The following HCRTR2 variants were observed in gnomAD, a reference collection of about 807,000 sequenced individuals.
HCRTR2 encodes the protein hypocretin receptor 2.
A neutral mutation model predicts 49.0 loss-of-function variants in HCRTR2; 22 were observed. The observed-to-expected ratio is 0.45, with a 90% CI of 0.32 to 0.64. The LOEUF is 0.64. Ranked by LOEUF, HCRTR2 falls within the 30% of genes least tolerant of loss-of-function variation. The pLI, the probability that HCRTR2 is intolerant of heterozygous loss-of-function variation, is 0.04. For synonymous variants in HCRTR2, 236 were observed against 205.3 expected (o/e 1.15, Z -1.28); for missense variants, 491 against 559.4 (o/e 0.88, Z 1.23).
At chr6:55,123,663 TG>T (rs1474269723) in intron 1 of HCRTR2, among the ~76,000 whole-genome samples, 3 of 152,088 alleles carry the variant, frequency 2.0e-5, no homozygotes, top group African/African-American at 4.8e-5. Flanking sequence ...GGAGGATTCC[TG>T]CTTTTTCTAT....
At chr6:55,141,205 C>T (rs889753728) in intron 1 of HCRTR2, among the ~76,000 whole-genome samples, 14 of 150,148 alleles carry the variant, frequency 9.3e-5, no homozygotes, top group African/African-American at 2.2e-4. Context: ...ATTAACCGGG[C>T]GTGGTGGCAG....
At chr6:55,174,092 A>C, upstream of HCRTR2, 1 of 210,036 alleles carries the variant, frequency 4.8e-6, no homozygotes, top group Admixed American at 5.4e-5. Flanking sequence ...CATGGTTTAT[A>C]ATAAGTGCAC....
At chr6:55,166,738 A>G (rs1283844641) in intron 1 of HCRTR2, among the ~76,000 whole-genome samples, 1 of 152,162 alleles carries the variant, frequency 6.6e-6, no homozygotes, top group African/African-American at 2.4e-5. Flanking sequence ...AGTACACACA[A>G]AAACTTGTAC....
At chr6:55,154,509 G>A (rs989051934) in intron 1 of HCRTR2, among the ~76,000 whole-genome samples, 5 of 151,464 alleles carry the variant, frequency 3.3e-5, no homozygotes, top group African/African-American at 1.2e-4. Context: ...ACAAAATGAA[G>A]GATAAAAATC....
intron 1 of HCRTR2, among the ~76,000 whole-genome samples, chr6:55,200,431 AT>A (rs1385832011): frequency 1.6e-4 from 24 of 151,900 alleles, no homozygotes; most frequent in Non-Finnish European, 2.6e-4. Flanking sequence ...CACCCAGCTA[AT>A]TTTTTGTATT....
At chr6:55,148,457 A>G (rs778941165) in intron 1 of HCRTR2, among the ~76,000 whole-genome samples, 33 of 152,126 alleles carry the variant, frequency 2.2e-4, no homozygotes, top group Admixed American at 8.5e-4. Context: ...CCTTGCTCTT[A>G]TATCAGATGG....
At chr6:55,215,012 A>G (rs185406694) in intron 1 of HCRTR2, among the ~76,000 whole-genome samples, 1 of 152,276 alleles carries the variant, frequency 6.6e-6, no homozygotes, top group East Asian at 1.9e-4. Context: ...GGCATAAAGC[A>G]TCATTGACAA....
intron 1 of HCRTR2, among the ~76,000 whole-genome samples, chr6:55,214,511 T>A (rs556305807): frequency 5.7e-4 from 87 of 152,128 alleles, no homozygotes; most frequent in African/African-American, 2.0e-3. Context: ...TTTATTTTTT[T>A]ATTTTTTTTC....
chr6:55,149,837 C>T (rs1764640346), intron 1 of HCRTR2, among the ~76,000 whole-genome samples: 1 of 151,998 alleles, frequency 6.6e-6, no homozygotes, highest in Non-Finnish European at 1.5e-5. Context: ...GACAAATGTA[C>T]TTGGCTTTCA....
At chr6:55,125,669 G>A (rs933120599) in intron 1 of HCRTR2, among the ~76,000 whole-genome samples, 5 of 152,124 alleles carry the variant, frequency 3.3e-5, no homozygotes, top group Non-Finnish European at 5.9e-5. Flanking sequence ...TGTCTTGCTA[G>A]GTTGGGGACG....
intron 4 of HCRTR2, among the ~76,000 whole-genome samples, chr6:55,273,124 C>G (rs1767005884): frequency 6.6e-6 from 1 of 151,868 alleles, no homozygotes; most frequent in Admixed American, 6.6e-5. Context: ...CAAAAAGTGT[C>G]AAGAAATCAT....
At chr6:55,129,419 T>C (rs775821991) in intron 1 of HCRTR2, among the ~76,000 whole-genome samples, 1 of 152,046 alleles carries the variant, frequency 6.6e-6, no homozygotes, top group Non-Finnish European at 1.5e-5. Context: ...GAAATGTAAG[T>C]AAGAGTTAAT....
intron 1 of HCRTR2, among the ~76,000 whole-genome samples, chr6:55,123,576 C>T (rs931137074): frequency 3.3e-5 from 5 of 151,876 alleles, no homozygotes; most frequent in Non-Finnish European, 5.9e-5. Flanking sequence ...GGGATATTGG[C>T]CTGAAATTTT....
At chr6:55,248,018 G>A (rs1766478868) in intron 1 of HCRTR2, among the ~76,000 whole-genome samples, 1 of 152,064 alleles carries the variant, frequency 6.6e-6, no homozygotes, top group African/African-American at 2.4e-5. Context: ...GACAAGTTTT[G>A]TGAGTTAATT....
chr6:55,250,353 T>C (rs1286486529), intron 2 of HCRTR2, among the ~76,000 whole-genome samples: 1 of 152,120 alleles, frequency 6.6e-6, no homozygotes, highest in Non-Finnish European at 1.5e-5. Flanking sequence ...ACTAGGAAAG[T>C]AATACATTTC....
intron 1 of HCRTR2, among the ~76,000 whole-genome samples, chr6:55,184,623 C>T (rs188214463): frequency 5.5e-4 from 83 of 152,238 alleles, no homozygotes; most frequent in African/African-American, 1.9e-3. Context: ...CAAGTGAGCC[C>T]TTAGGGAATT....
intron 1 of HCRTR2, among the ~76,000 whole-genome samples, chr6:55,141,540 T>C (rs1231669838): frequency 2.0e-5 from 3 of 152,230 alleles, no homozygotes; most frequent in East Asian, 1.9e-4. Flanking sequence ...ATAAGTATAC[T>C]AATTTTATTT....
intron 1 of HCRTR2, among the ~76,000 whole-genome samples, chr6:55,141,404 T>A (rs1416888991): frequency 6.6e-6 from 1 of 152,028 alleles, no homozygotes. Flanking sequence ...TTTTTCATGG[T>A]CTGGATGAGA....
At chr6:55,107,828 T>A (rs1159877066) in intron 1 of HCRTR2, among the ~76,000 whole-genome samples, 2 of 152,138 alleles carry the variant, frequency 1.3e-5, no homozygotes, top group Non-Finnish European at 2.9e-5. Context: ...CTTATATCAT[T>A]TTCTGTTTTA....
Sources: gnomAD v4.1 joint callset for allele counts (sites outside exome capture counted in the v4.1 genomes callset) on GRCh38, gnomAD v4.1.1 for gene constraint, MANE v1.5 for transcripts, NCBI Gene and HGNC (gene_info 2026-07-23, HGNC 2026-07-21) for gene names.